Variants in ARL8B observed in about 807,000 individuals in gnomAD.
ARL8B encodes the protein ADP-ribosylation factor-like protein 8B.
In ARL8B, 9 loss-of-function variants were observed where a neutral mutation model predicts 30.6. That is an observed-to-expected ratio of 0.29 (90% CI 0.18 to 0.51). The LOEUF is 0.51. ARL8B is among the 20% of genes least tolerant of loss of function. ARL8B has a pLI of 0.97. For missense variants in ARL8B, 130 were observed against 227.2 expected (o/e 0.57, Z 2.75); for synonymous variants, 74 against 76.0 (o/e 0.97, Z 0.14).
chr3:5,144,998 C>A (rs1411617803), intron 1 of ARL8B, among the ~76,000 whole-genome samples: 1 of 152,208 alleles, frequency 6.6e-6, no homozygotes. Flanking sequence ...ATATAATTCA[C>A]AGGTTTGGGC....
At chr3:5,169,077 T>C (rs1328517627) in intron 1 of ARL8B, among the ~76,000 whole-genome samples, 1 of 152,212 alleles carries the variant, frequency 6.6e-6, no homozygotes, top group Non-Finnish European at 1.5e-5. Flanking sequence ...GACTAGTTTT[T>C]TAAAAATTTT....
chr3:5,171,218 C>T (rs3856889), intron 2 of ARL8B, among the ~76,000 whole-genome samples: 63,416 of 151,932 alleles, frequency 0.42, 14,754 homozygotes, highest in African/African-American at 0.65. Flanking sequence ...TTAGTTAAAC[C>T]GGAAGCCTCT....
intron 1 of ARL8B, among the ~76,000 whole-genome samples, chr3:5,133,742 A>C (rs891863546): frequency 1.3e-5 from 2 of 152,194 alleles, no homozygotes; most frequent in African/African-American, 4.8e-5. Flanking sequence ...AGCTTAGGCA[A>C]CATAGTGAAA....
intron 1 of ARL8B, 85 bp downstream of exon 1, chr3:5,122,673 C>A: frequency 1.4e-6 from 2 of 1,456,470 alleles, no homozygotes; most frequent in Middle Eastern, 2.0e-4. Context: ...TTGGGGCCCC[C>A]CTCGGCGCGA....
intron 1 of ARL8B, among the ~76,000 whole-genome samples, chr3:5,139,252 A>G (rs929332790): frequency 4.6e-5 from 7 of 152,218 alleles, no homozygotes; most frequent in African/African-American, 1.7e-4. Context: ...ATCCAATGAC[A>G]GGTGCCATGG....
intron 1 of ARL8B, among the ~76,000 whole-genome samples, chr3:5,161,971 G>A (rs1056994925): frequency 6.6e-6 from 1 of 152,160 alleles, no homozygotes; most frequent in Non-Finnish European, 1.5e-5. Flanking sequence ...AGTACATAGA[G>A]GCAGAGACAA....
At position 5,122,644 on chromosome 3, in the gene ARL8B, C is replaced by T. The variant is rs563203518; in HGVS notation, c.123+56C>T. On this transcript the variant is annotated intron_variant, in intron 1 of 6. Coordinates refer to ENST00000256496, the MANE Select transcript of ARL8B (RefSeq NM_018184.3). Reference sequence around the variant, plus strand: ...CTCCGCAGCCAGGAGTCCGGCCCGGCGCTTCTCCAAGGCCTGAGTTGGGGC... The same window carrying T: ...CTCCGCAGCCAGGAGTCCGGCCCGGTGCTTCTCCAAGGCCTGAGTTGGGGC... The T allele has an allele frequency of 1.2e-5, 19 of 1,551,598 alleles. No individual in the cohort carries two copies. The South Asian group carries it at 2.3e-4, about 19-fold the overall frequency.
chr3:5,146,990 A>G (rs1244040924), intron 1 of ARL8B, among the ~76,000 whole-genome samples: 1 of 151,248 alleles, frequency 6.6e-6, no homozygotes, highest in Non-Finnish European at 1.5e-5. Context: ...AGTCTTCATT[A>G]ATGGTCATGA....
intron 1 of ARL8B, among the ~76,000 whole-genome samples, chr3:5,134,101 A>G (rs1463151706): frequency 5.5e-5 from 7 of 127,008 alleles, no homozygotes; most frequent in Non-Finnish European, 1.6e-5. Flanking sequence ...TTTTGTCTTC[A>G]GGAGTATAAG....
chr3:5,143,265 G>T (rs2054390656), intron 1 of ARL8B, among the ~76,000 whole-genome samples: 2 of 152,146 alleles, frequency 1.3e-5, no homozygotes, highest in Non-Finnish European at 2.9e-5. Flanking sequence ...GGCCATCTCA[G>T]CCATATTAAC....
chr3:5,153,812 C>T (rs1035427017), intron 1 of ARL8B, among the ~76,000 whole-genome samples: 1 of 152,104 alleles, frequency 6.6e-6, no homozygotes, highest in East Asian at 1.9e-4. Flanking sequence ...TCTTTTAGAG[C>T]ACGTCTGCTG....
At chr3:5,123,954 A>G (rs1165815446) in intron 1 of ARL8B, among the ~76,000 whole-genome samples, 1 of 151,750 alleles carries the variant, frequency 6.6e-6, no homozygotes, top group African/African-American at 2.4e-5. Context: ...GCTCACTGCA[A>G]CCTCCACCTC....
intron 1 of ARL8B, among the ~76,000 whole-genome samples, chr3:5,150,933 TTG>T (rs2054477834): frequency 6.6e-6 from 1 of 152,224 alleles, no homozygotes; most frequent in Non-Finnish European, 1.5e-5. Flanking sequence ...GTTTGGTAGT[TTG>T]TGATTTTCAA....
chr3:5,178,927 G>A lies in ARL8B; in HGVS notation c.*214G>A. 2.5e-6 allele frequency: 2 copies of A among 797,612 alleles called. No homozygotes were observed. Among genetic ancestry groups the A allele is most frequent in the South Asian group, 5.2e-5 (2 of 38,486 alleles). 49.4% of individuals were successfully genotyped at this position (797,612 alleles called of 1,614,324 possible). A position where few individuals can be genotyped will look rare whatever the true frequency, so the allele number is the denominator to read the frequency against. ...ATGATAAAGTCAGCACACACAAAAA[G>A]GCTTCTTACACATACCTGTCTTAAA... is the stretch of plus-strand genomic sequence containing the variant. On this transcript the variant is annotated 3_prime_UTR_variant, in exon 7 of 7. Transcript: ENST00000256496.
chr3:5,149,953 G>T, intron 1 of ARL8B, among the ~76,000 whole-genome samples: 1 of 152,154 alleles, frequency 6.6e-6, no homozygotes, highest in East Asian at 1.9e-4. Context: ...CTGTGGATTG[G>T]CATGAATATT....
chr3:5,166,348 G>GTTTTT (rs576653836), intron 1 of ARL8B, among the ~76,000 whole-genome samples: 1 of 99,184 alleles, frequency 1.0e-5, no homozygotes, highest in Non-Finnish European at 2.0e-5. Flanking sequence ...GGTATCTTTC[G>GTTTTT]TTTTTTTTTT....
chr3:5,130,554 G>A (rs2054273814), intron 1 of ARL8B, among the ~76,000 whole-genome samples: 3 of 151,392 alleles, frequency 2.0e-5, no homozygotes, highest in African/African-American at 7.3e-5. Flanking sequence ...TTGGCGGGGG[G>A]ATGGAATCTT....
intron 4 of ARL8B, among the ~76,000 whole-genome samples, chr3:5,173,170 G>A (rs566220448): frequency 6.6e-6 from 1 of 152,264 alleles, no homozygotes; most frequent in East Asian, 1.9e-4. Context: ...AGGGATTCAC[G>A]AGGAAGTAAT....
At chr3:5,157,929 C>G (rs2054546600) in intron 1 of ARL8B, 1 of 151,910 alleles carries the variant, frequency 6.6e-6, no homozygotes, top group African/African-American at 2.4e-5. Flanking sequence ...GTTCCCTTCT[C>G]AAATCTATCT....
Sources: allele counts gnomAD v4.1 joint callset (sites outside exome capture counted in the v4.1 genomes callset), GRCh38; gene constraint gnomAD v4.1.1; transcripts MANE v1.5; gene names NCBI Gene and HGNC (gene_info 2026-07-23, HGNC 2026-07-21).